MSTO1: variants seen among roughly 807,000 people sequenced by gnomAD.
MSTO1 encodes the protein protein misato homolog 1.
In MSTO1, 24 loss-of-function variants were observed where a neutral mutation model predicts 55.7. The ratio of observed to expected loss-of-function variants is 0.43; its 90% CI spans 0.31 to 0.61. The LOEUF (loss-of-function observed/expected upper bound fraction) is 0.61. MSTO1 is among the 20% of genes least tolerant of loss of function. The pLI is 0.09. For synonymous variants in MSTO1, 162 were observed against 252.8 expected (o/e 0.64, Z 3.41); for missense variants, 363 against 625.7 (o/e 0.58, Z 4.48).
chr1:155,607,266 C>G (rs1170899204), upstream of MSTO1, among the ~76,000 whole-genome samples: 1 of 151,924 alleles, frequency 6.6e-6, no homozygotes, highest in Non-Finnish European at 1.5e-5. Flanking sequence ...CCTCCGACTC[C>G]CTGGTTCAAG....
chr1:155,604,604 G>T, the MSTO1 span, among the ~76,000 whole-genome samples: 1 of 152,198 alleles, frequency 6.6e-6, no homozygotes, highest in Non-Finnish European at 1.5e-5. Context: ...GGCAGGGCAC[G>T]GTGGCTCAGG....
the MSTO1 span, chr1:155,590,719 C>G: frequency 5.1e-6 from 8 of 1,575,916 alleles, no homozygotes; most frequent in Admixed American, 1.7e-5. Context: ...GCAAGTGCAG[C>G]ACAGCAGCCT....
intron 7 of MSTO1, 25 bp from the exon 8 acceptor site, chr1:155,612,157 T>C (rs1281264259): frequency 6.2e-7 from 1 of 1,613,700 alleles, no homozygotes; most frequent in East Asian, 2.2e-5. Context: ...CTGCTAACTA[T>C]CTTTTGTCAC....
chr1:155,595,939 G>T, the MSTO1 span, among the ~76,000 whole-genome samples: 1 of 152,142 alleles, frequency 6.6e-6, no homozygotes, highest in Non-Finnish European at 1.5e-5. Flanking sequence ...ATCTAGTGTT[G>T]CATTTTCTAG....
chr1:155,608,065 T>C (rs953853614), upstream of MSTO1, among the ~76,000 whole-genome samples: 7 of 152,150 alleles, frequency 4.6e-5, no homozygotes, highest in African/African-American at 1.7e-4. Flanking sequence ...GATAAGAGCA[T>C]CTAACCTTTA....
chr1:155,574,159 A>G, the MSTO1 span, among the ~76,000 whole-genome samples: 6 of 152,112 alleles, frequency 3.9e-5, no homozygotes, highest in African/African-American at 1.4e-4. Flanking sequence ...GGAGTTGAAG[A>G]CCAGCCTGGA....
the MSTO1 span, chr1:155,563,632 T>C: frequency 2.2e-6 from 1 of 455,484 alleles, no homozygotes; most frequent in Non-Finnish European, 4.4e-6. Flanking sequence ...AGCCTGGTGA[T>C]GGAGGATGAA....
In MSTO1 at chr1:155,614,762, C is replaced by T. The variant is rs536414209; in HGVS notation, c.*489C>T. 3.2e-6 allele frequency: 5 copies of T among 1,564,034 alleles called. No homozygotes were observed. Among genetic ancestry groups the T allele is most frequent in the Admixed American group, 3.4e-5 (2 of 58,862 alleles). On this transcript the variant is annotated 3_prime_UTR_variant, in exon 14 of 14. Coordinates refer to ENST00000245564, the MANE Select transcript of MSTO1 (RefSeq NM_018116.4). Reference sequence around the variant, plus strand: ...TCTTCAGACAGAAGGTCCCCATGGTCAGACAGCTGGTCTGCATTGCTGGTA... The same window carrying T: ...TCTTCAGACAGAAGGTCCCCATGGTTAGACAGCTGGTCTGCATTGCTGGTA...
rs148051606 is a variant in MSTO1 at position 155,614,509 on chromosome 1, T to C, written c.*236T>C. The C allele has an allele frequency of 1.9e-3, 1,248 of 644,678 alleles. 8 individuals are homozygous for C. In the African/African-American group the frequency reaches 0.02, roughly 10 times the overall value. The allele number at this position is 644,678 out of a possible 1,614,324, so 39.9% of individuals were successfully genotyped here. A position where few individuals can be genotyped will look rare whatever the true frequency, so the allele number is the denominator to read the frequency against. On this transcript the variant is annotated 3_prime_UTR_variant, in exon 14 of 14. Coordinates refer to ENST00000245564, the MANE Select transcript of MSTO1 (RefSeq NM_018116.4). ...CTCGATGCTACTTACAGAGGACATC[T>C]GTAAAGTCTTCATAAAAGACCTTGA...
the MSTO1 span, among the ~76,000 whole-genome samples, chr1:155,567,002 C>T: frequency 6.6e-6 from 1 of 152,168 alleles, no homozygotes; most frequent in Non-Finnish European, 1.5e-5. Flanking sequence ...GCCTCAGCCT[C>T]CTCGGTAGCC....
chr1:155,600,975 CTT>C, the MSTO1 span, among the ~76,000 whole-genome samples: 93 of 119,126 alleles, frequency 7.8e-4, no homozygotes, highest in African/African-American at 2.8e-3. Flanking sequence ...TGTGCTAGGC[CTT>C]TTTTTTTTTT....
At chr1:155,587,366 G>A in the MSTO1 span, among the ~76,000 whole-genome samples, 1 of 150,688 alleles carries the variant, frequency 6.6e-6, no homozygotes, top group South Asian at 2.1e-4. Context: ...GTTCAACCCG[G>A]GAGGTGGAGG....
At chr1:155,592,406 A>G in the MSTO1 span, among the ~76,000 whole-genome samples, 1 of 152,230 alleles carries the variant, frequency 6.6e-6, no homozygotes, top group Non-Finnish European at 1.5e-5. Context: ...AGCCAAAGGA[A>G]TCACATGACT....
At chr1:155,594,870 C>T in the MSTO1 span, among the ~76,000 whole-genome samples, 1 of 152,166 alleles carries the variant, frequency 6.6e-6, no homozygotes, top group Admixed American at 6.5e-5. Flanking sequence ...GCGTGGGTGG[C>T]TCATGCCTGT....
the MSTO1 span, among the ~76,000 whole-genome samples, chr1:155,582,508 G>A: frequency 6.6e-6 from 1 of 152,118 alleles, no homozygotes; most frequent in African/African-American, 2.4e-5. Flanking sequence ...TCGCCAGGCT[G>A]GAGTGCAGTG....
chr1:155,563,326 C>A, the MSTO1 span: 1 of 455,576 alleles, frequency 2.2e-6, no homozygotes, highest in South Asian at 1.5e-5. Flanking sequence ...GTCCTCGACT[C>A]ACGGTGAGGG....
chr1:155,586,780 C>A, the MSTO1 span: 1 of 419,134 alleles, frequency 2.4e-6, no homozygotes, highest in South Asian at 1.8e-5. Context: ...CTCAGTCTTG[C>A]TCTGTCACCC....
rs1558268721 is a variant in MSTO1 at position 155,613,101 on chromosome 1, T to C, written c.1151T>C (p.Leu384Pro). Residue 384 changes from leucine to proline, a missense_variant, in exon 11 of 14, where the codon CTT becomes CCT. Around this residue, in one of 3 missense-constraint regions of MSTO1, gnomAD observed 231 missense variants for 286.9 expected, o/e 0.81. Transcript: ENST00000245564. ...TTCCCCTTGGCTCCAGGCCAGTCCC[T>C]TCCTGATTCCCTGATGCAGTTTGGA... ...IPFPLAPGQS[L>P]PDSLMQFGGA... 1.2e-6 allele frequency: 2 copies of C among 1,613,896 alleles called. No homozygotes were observed. The highest frequency in any genetic ancestry group is 4.5e-5 in the East Asian group (2 of 44,880).
chr1:155,567,762 G>A, the MSTO1 span, among the ~76,000 whole-genome samples: 3 of 151,672 alleles, frequency 2.0e-5, no homozygotes, highest in Admixed American at 6.6e-5. Context: ...TTGGCTGGGC[G>A]TGGTGGCTCA....
Sources: allele counts gnomAD v4.1 joint callset (sites outside exome capture counted in the v4.1 genomes callset), GRCh38; gene constraint gnomAD v4.1.1; regional missense constraint gnomAD v4.1.1; transcripts MANE v1.5; gene names NCBI Gene and HGNC (gene_info 2026-07-23, HGNC 2026-07-21).